The following ADAMTS12 variants were observed in gnomAD, a reference collection of about 807,000 sequenced individuals.
ADAMTS12 encodes ADAM metallopeptidase with thrombospondin type 1 motif 12, also known as A disintegrin and metalloproteinase with thrombospondin motifs 12.
Under a neutral mutation model 167.8 loss-of-function variants are expected in ADAMTS12, and 118 were observed. The ratio of observed to expected loss-of-function variants is 0.70; its 90% confidence interval spans 0.61 to 0.82. The LOEUF (loss-of-function observed/expected upper bound fraction) is 0.82, where lower values mean the gene tolerates loss of function less well. Ranked by LOEUF, ADAMTS12 falls within the 40% of genes least tolerant of loss-of-function variation. The pLI is 0.00. For synonymous variants in ADAMTS12, 704 were observed against 716.9 expected, an observed-to-expected ratio of 0.98 and a Z score of 0.29; for missense variants, 1,916 against 1,998.8, an observed-to-expected ratio of 0.96 and a Z score of 0.79.
At chr5:33,744,139 C>T (rs1048761589) in intron 3 of ADAMTS12, among the ~76,000 whole-genome samples, 1 of 152,186 alleles carries the variant, frequency 6.6e-6, no homozygotes, top group Non-Finnish European at 1.5e-5. Flanking sequence ...CATAAGCAGA[C>T]ATGATTCCTG....
intron 18 of ADAMTS12, among the ~76,000 whole-genome samples, chr5:33,581,077 C>G (rs954959754): frequency 2.6e-5 from 4 of 152,200 alleles, no homozygotes; most frequent in African/African-American, 9.6e-5. Context: ...TTCTCCTAGT[C>G]ACTGCAGAAC....
intron 14 of ADAMTS12, among the ~76,000 whole-genome samples, chr5:33,618,839 C>G (rs1739161541): frequency 6.6e-6 from 1 of 152,222 alleles, no homozygotes; most frequent in South Asian, 2.1e-4. Flanking sequence ...GAAATTTACT[C>G]TTGGGCTTGA....
At chr5:33,596,583 G>A (rs912162205) in intron 16 of ADAMTS12, among the ~76,000 whole-genome samples, 2 of 152,184 alleles carry the variant, frequency 1.3e-5, no homozygotes, top group African/African-American at 4.8e-5. Context: ...TTGGGAGGCT[G>A]AGGCAGGAGA....
chr5:33,644,821 C>G (rs536123737), intron 9 of ADAMTS12, among the ~76,000 whole-genome samples: 4 of 151,866 alleles, frequency 2.6e-5, no homozygotes, highest in Non-Finnish European at 5.9e-5. Context: ...AGCTCTGCCT[C>G]CTGGGTTCAC....
chr5:33,545,764 A>G (rs1183593941), intron 22 of ADAMTS12, among the ~76,000 whole-genome samples: 5 of 151,608 alleles, frequency 3.3e-5, no homozygotes, highest in Admixed American at 1.3e-4. Context: ...CGCAAGGACA[A>G]AAAACCAAAC....
chr5:33,709,453 C>T (rs1743316631), intron 3 of ADAMTS12, among the ~76,000 whole-genome samples: 2 of 152,258 alleles, frequency 1.3e-5, no homozygotes, highest in East Asian at 1.9e-4. Flanking sequence ...ATGAAATCAA[C>T]CCAAATGCCC....
At chr5:33,867,904 T>C (rs1459070614) in intron 2 of ADAMTS12, among the ~76,000 whole-genome samples, 1 of 151,988 alleles carries the variant, frequency 6.6e-6, no homozygotes, top group Non-Finnish European at 1.5e-5. Flanking sequence ...TGATGGGAGG[T>C]GATTTGGATC....
At chr5:33,738,533 T>A (rs73086103) in intron 3 of ADAMTS12, among the ~76,000 whole-genome samples, 2 of 152,154 alleles carry the variant, frequency 1.3e-5, no homozygotes, top group African/African-American at 4.8e-5. Flanking sequence ...GGCTTTCACC[T>A]CTCATGTCAT....
intron 2 of ADAMTS12, among the ~76,000 whole-genome samples, chr5:33,846,209 G>C (rs181719692): frequency 1.3e-3 from 192 of 151,428 alleles, no homozygotes; most frequent in Admixed American, 2.6e-3. Context: ...GCTAAAGAAA[G>C]GCAGAGGAAT....
At chr5:33,596,565 T>C (rs1737890283) in intron 16 of ADAMTS12, among the ~76,000 whole-genome samples, 2 of 152,086 alleles carry the variant, frequency 1.3e-5, no homozygotes, top group African/African-American at 4.8e-5. Context: ...TCCTGTCATC[T>C]CAGCTACTTG....
intron 21 of ADAMTS12, among the ~76,000 whole-genome samples, chr5:33,548,098 A>C (rs1239458558): frequency 2.0e-5 from 3 of 152,226 alleles, no homozygotes; most frequent in Admixed American, 1.3e-4. Flanking sequence ...TCAGTCCTCC[A>C]CAGGCTTTGA....
chr5:33,566,904 T>C (rs1396041714), intron 19 of ADAMTS12, among the ~76,000 whole-genome samples: 2 of 152,130 alleles, frequency 1.3e-5, no homozygotes, highest in African/African-American at 2.4e-5. Context: ...CCCTTTCTGA[T>C]TGACTGGGAT....
chr5:33,837,183 A>C (rs868489992), intron 2 of ADAMTS12, among the ~76,000 whole-genome samples: 1 of 152,230 alleles, frequency 6.6e-6, no homozygotes, highest in Admixed American at 6.5e-5. Flanking sequence ...AGACCAGGTC[A>C]GAGATCGGGG....
Position 33,672,196 on chromosome 5 carries a change from TAC to T in ADAMTS12, c.916-10158_916-10157del, listed in dbSNP as rs956942713. On this transcript the variant is annotated intron_variant, in intron 5 of 23. Coordinates refer to ENST00000504830, the MANE Select transcript of ADAMTS12 (RefSeq NM_030955.4). ...ATACACACAGATCCACATACTCACATACACACACACCCCCACATACATACACA... is the reference window on the plus strand; with the variant it reads ...ATACACACAGATCCACATACTCACATACACACACCCCCACATACATACACA... 3.4e-4 allele frequency among the ~76,000 whole-genome samples: 48 copies of T among 140,246 alleles called. 1 individual carries two copies. Among genetic ancestry groups the T allele is most frequent in the Admixed American group, 3.1e-3 (44 of 14,062 alleles). The allele number at this position is 140,246 out of a possible 152,430, so 92.0% of individuals were successfully genotyped here. A position where few individuals can be genotyped will look rare whatever the true frequency, so the allele number is the denominator to read the frequency against.
chr5:33,777,906 T>G (rs1745973613), intron 2 of ADAMTS12, among the ~76,000 whole-genome samples: 1 of 151,950 alleles, frequency 6.6e-6, no homozygotes, highest in African/African-American at 2.4e-5. Context: ...AAAGAAATTT[T>G]TAAAAAATCA....
chr5:33,866,447 C>T (rs1749825335), intron 2 of ADAMTS12, among the ~76,000 whole-genome samples: 1 of 152,092 alleles, frequency 6.6e-6, no homozygotes, highest in South Asian at 2.1e-4. Context: ...AAAATCAACT[C>T]AAGATGGATC....
chr5:33,844,946 T>C (rs1004878958), intron 2 of ADAMTS12, among the ~76,000 whole-genome samples: 5 of 152,164 alleles, frequency 3.3e-5, no homozygotes, highest in Non-Finnish European at 5.9e-5. Context: ...TGGGGGCAGG[T>C]TCCCCGATAA....
chr5:33,586,351 T>G lies in ADAMTS12; in HGVS notation c.2865+2248A>C, dbSNP rs117184311. ...ATTTGATGAATATTTTGATACTGAT[T>G]TAACTAAAAGCACTTCCAATGACAT... On this transcript the variant is annotated intron_variant, in intron 18 of 23. Transcript: ENST00000504830. Among the ~76,000 whole-genome samples the G allele has an allele frequency of 1.0e-3, 153 of 152,320 alleles. 3 individuals are homozygous for G. The East Asian group carries it at 0.025, about 25-fold the overall frequency.
intron 2 of ADAMTS12, among the ~76,000 whole-genome samples, chr5:33,871,931 C>A (rs557947715): frequency 2.6e-5 from 4 of 152,100 alleles, no homozygotes; most frequent in Non-Finnish European, 4.4e-5. Context: ...TTATGAACCA[C>A]TATATGCCCC....
Sources: allele counts gnomAD v4.1 joint callset (sites outside exome capture counted in the v4.1 genomes callset), GRCh38; gene constraint gnomAD v4.1.1; transcripts MANE v1.5; gene names NCBI Gene and HGNC (gene_info 2026-07-23, HGNC 2026-07-21).